LRCH3: variants seen among roughly 807,000 people sequenced by gnomAD.
The protein encoded by LRCH3 is leucine rich repeats and calponin homology domain containing 3, also known as DISP complex protein LRCH3.
LRCH3 carries 68 observed loss-of-function variants against 104.5 expected under a neutral mutation model. That is an observed-to-expected ratio of 0.65 (90% CI 0.54 to 0.80). The LOEUF (loss-of-function observed/expected upper bound fraction) is 0.80, where lower values mean the gene tolerates loss of function less well. Among genes scored for constraint, LRCH3 ranks in the 30% least tolerant of loss-of-function variants. LRCH3 has a pLI of 0.00. For synonymous variants in LRCH3, 344 were observed against 361.3 expected (o/e 0.95, Z 0.54); for missense variants, 951 against 953.9 (o/e 1.00, Z 0.04).
intron 17 of LRCH3, among the ~76,000 whole-genome samples, chr3:197,867,636 G>A (rs1016185627): frequency 4.0e-5 from 6 of 151,084 alleles, no homozygotes; most frequent in African/African-American, 1.5e-4. Context: ...GGCAGATCAC[G>A]AGGTCAGGAG....
At chr3:197,843,970 A>G (rs944674820) in intron 10 of LRCH3, among the ~76,000 whole-genome samples, 4 of 152,202 alleles carry the variant, frequency 2.6e-5, no homozygotes, top group African/African-American at 9.7e-5. Flanking sequence ...GCTAGGTGCT[A>G]TGAAGAAAAA....
intron 4 of LRCH3, among the ~76,000 whole-genome samples, chr3:197,822,528 G>A (rs1201103494): frequency 1.3e-5 from 2 of 152,140 alleles, no homozygotes; most frequent in East Asian, 3.8e-4. Flanking sequence ...TTTGATTGTA[G>A]ACTGCTGACA....
rs1740035246 is a variant in LRCH3, at chr3:197,854,744, C to T, written c.1644+299C>T. On this transcript the variant is annotated intron_variant, in intron 14 of 20. Coordinates refer to ENST00000425562, the MANE Select transcript of LRCH3 (RefSeq NM_001365715.1). This position sits in a 1 kb window ranked among gnomAD's most constrained non-coding sequence, Gnocchi z 4.5. Reference sequence around the variant, plus strand: ...TTCATGTTTTAAATGTGTCTAATTCCAGGAGCACTTACTTTATTAATCATT... The same window carrying T: ...TTCATGTTTTAAATGTGTCTAATTCTAGGAGCACTTACTTTATTAATCATT... Among the ~76,000 whole-genome samples the T allele has an allele frequency of 6.6e-6, 1 of 152,068 alleles. No homozygotes were observed. Among genetic ancestry groups the T allele is most frequent in the African/African-American group, 2.4e-5 (1 of 41,398 alleles).
intron 8 of LRCH3, among the ~76,000 whole-genome samples, chr3:197,832,709 T>C (rs1030314214): frequency 5.9e-5 from 9 of 151,710 alleles, no homozygotes; most frequent in African/African-American, 2.2e-4. Flanking sequence ...TTTCAGTGTT[T>C]ACCTTTTCTT....
chr3:197,880,594 C>T, intron 20 of LRCH3: 1 of 1,536,738 alleles, frequency 6.5e-7, no homozygotes, highest in Non-Finnish European at 8.7e-7. Context: ...TCTCTTGGGG[C>T]ACACTCAGAA....
chr3:197,797,627 G>A (rs1340386738), intron 1 of LRCH3, among the ~76,000 whole-genome samples: 1 of 151,294 alleles, frequency 6.6e-6, no homozygotes, highest in Non-Finnish European at 1.5e-5. Flanking sequence ...TTGGGAGGCC[G>A]AGGCAGGTGG....
rs35669763 is a variant in LRCH3 at position 197,825,360 on chromosome 3, C to CTTT, written c.641-1505_641-1503dup. ...TCCGTTTTGGGAAATTGTTTTATAT[C>CTTT]TTTTTTTTTTTTTTTAAATAATTTT... On this transcript the variant is annotated intron_variant, in intron 4 of 20. Transcript: ENST00000425562. 4.7e-4 allele frequency among the ~76,000 whole-genome samples: 56 copies of CTTT among 119,336 alleles called. 1 individual carries two copies. Among genetic ancestry groups the CTTT allele is most frequent in the Admixed American group, 1.7e-3 (20 of 11,600 alleles). The allele number at this position is 119,336 out of a possible 152,430, so 78.3% of individuals were successfully genotyped here.
chr3:197,880,289 A>G (rs910812255), intron 20 of LRCH3, among the ~76,000 whole-genome samples: 4 of 152,144 alleles, frequency 2.6e-5, no homozygotes, highest in African/African-American at 9.7e-5. Flanking sequence ...CAACAAACGA[A>G]TTTTATTCTG....
At chr3:197,881,697 T>A in intron 20 of LRCH3, 1 of 985,430 alleles carries the variant, frequency 1.0e-6, no homozygotes, top group Non-Finnish European at 1.2e-6. Context: ...TAGATTCTAG[T>A]TTCATAAGTG....
In LRCH3 at chr3:197,870,237, CAG is replaced by C; in HGVS notation, c.1957_1958del (p.Glu653ArgfsTer11). The C allele has an allele frequency of 3.1e-6, 5 of 1,613,380 alleles. No homozygotes were observed. The highest frequency in any genetic ancestry group is 4.2e-6 in the Non-Finnish European group (5 of 1,179,324). On this transcript the variant is annotated frameshift_variant, in exon 18 of 21. Transcript: ENST00000425562. LOFTEE classifies it high-confidence loss of function. ...TTCCATAACAGGACAGAATTCAAGACAGAGAGAAGAAGAGCTGGAATTAATAG... is the reference window on the plus strand; with the variant it reads ...TTCCATAACAGGACAGAATTCAAGACAGAGAAGAAGAGCTGGAATTAATAG... ...TDSITGQNSR[Q>X]REEELELIDQ...
At chr3:197,840,494 G>C (rs560540779) in intron 10 of LRCH3, among the ~76,000 whole-genome samples, 41 of 152,296 alleles carry the variant, frequency 2.7e-4, no homozygotes, top group African/African-American at 9.9e-4. Context: ...AAATTAGCTT[G>C]ATCGTTTAGA....
chr3:197,865,540 A>T, intron 16 of LRCH3, 69 bp downstream of exon 16: 1 of 1,051,672 alleles, frequency 9.5e-7, no homozygotes, highest in Non-Finnish European at 1.3e-6. Context: ...TTAAAAAATA[A>T]TAATAAATAG....
In LRCH3 at chr3:197,795,003, T is replaced by A. The variant is rs7650169; in HGVS notation, c.262+3463T>A. Among the ~76,000 whole-genome samples the A allele has an allele frequency of 6.8e-5, 10 of 146,334 alleles. No individual in the cohort carries two copies. In the East Asian group the frequency reaches 1.4e-3, roughly 20 times the overall value. On this transcript the variant is annotated intron_variant, in intron 1 of 20. Transcript: ENST00000425562. ...CTGGGTGACAGAGTAAGTGCTGTCT[T>A]AAAAAAAAAAGAAAAAAAAATATTA...
chr3:197,854,411 G>A lies in LRCH3; in HGVS notation c.1610G>A (p.Arg537Lys). 3 of 1,614,094 alleles carry A rather than the reference G, an allele frequency of 1.9e-6. No individual in the cohort carries two copies. Among genetic ancestry groups the A allele is most frequent in the Non-Finnish European group, 2.5e-6 (3 of 1,179,990 alleles). The change falls in exon 14 of 21, where the codon AGG becomes AAG. Residue 537 changes from arginine (R) to lysine (K), a missense_variant. Coordinates refer to ENST00000425562, the MANE Select transcript of LRCH3 (RefSeq NM_001365715.1). The surrounding 1 kb of genome is among the most constrained non-coding windows in gnomAD (Gnocchi z 4.5). ...CTCCAGTGCCCCTTCCCATCCAGAAGGTCTCAGCACACTGATGATAGTGCC... is the reference window on the plus strand; with the variant it reads ...CTCCAGTGCCCCTTCCCATCCAGAAAGTCTCAGCACACTGATGATAGTGCC... Reference protein sequence around the residue: ...VDGECPFPSRRSQHTDDSALC... With the variant: ...VDGECPFPSRKSQHTDDSALC...
Position 197,883,520 on chromosome 3 carries a change from A to T in LRCH3, c.2209-21A>T. On this transcript the variant is annotated intron_variant, in intron 20 of 20. Coordinates refer to ENST00000425562, the MANE Select transcript of LRCH3 (RefSeq NM_001365715.1). This position sits in a 1 kb window ranked among gnomAD's most constrained non-coding sequence, Gnocchi z 4.2. ...CCGATTTTCTTTTTTGTTTGTTTTC[A>T]TGTTACGTTGTCCCTTTCAGGAGCA... The T allele has an allele frequency of 6.6e-7, 1 of 1,526,702 alleles. No individual in the cohort carries two copies. The highest frequency in any genetic ancestry group is 2.0e-5 in the Admixed American group (1 of 49,122). The allele number at this position is 1,526,702 out of a possible 1,614,324, so 94.6% of individuals were successfully genotyped here. A position where few individuals can be genotyped will look rare whatever the true frequency, so the allele number is the denominator to read the frequency against.
rs58135939 is a variant in LRCH3 at position 197,856,391 on chromosome 3, A to T, written c.1644+1946A>T. 0.058 allele frequency among the ~76,000 whole-genome samples: 8,871 copies of T among 151,646 alleles called. 877 individuals are homozygous for T. The highest frequency in any genetic ancestry group is 0.2 in the African/African-American group (8,237 of 41,370). On this transcript the variant is annotated intron_variant, in intron 14 of 20. Transcript: ENST00000425562. The surrounding 1 kb of genome is among the most constrained non-coding windows in gnomAD (Gnocchi z 4.2). ...GTTTATTATTTTATTTTGTATTTTT[A>T]AATTTAATTTTATTCTTTATTTTTA...
At chr3:197,812,767 G>T (rs1351618846) in intron 1 of LRCH3, among the ~76,000 whole-genome samples, 3 of 151,964 alleles carry the variant, frequency 2.0e-5, no homozygotes, top group African/African-American at 7.2e-5. Context: ...TCGCCATGTT[G>T]GCCAGGCTGG....
intron 10 of LRCH3, among the ~76,000 whole-genome samples, chr3:197,846,453 T>G (rs1193277224): frequency 6.6e-6 from 1 of 150,550 alleles, no homozygotes; most frequent in Non-Finnish European, 1.5e-5. Context: ...TCCAATTACT[T>G]TAGGAGGCTG....
intron 4 of LRCH3, among the ~76,000 whole-genome samples, chr3:197,824,856 C>T (rs1734965842): frequency 6.6e-6 from 1 of 152,186 alleles, no homozygotes; most frequent in Admixed American, 6.5e-5. Flanking sequence ...AGGCGTGAGC[C>T]ACTGCACCTG....
Sources: gnomAD v4.1 joint callset for allele counts (sites outside exome capture counted in the v4.1 genomes callset) on GRCh38, gnomAD v4.1.1 for gene constraint, Gnocchi (gnomAD v3.1) non-coding constraint, MANE v1.5 for transcripts, NCBI Gene and HGNC (gene_info 2026-07-23, HGNC 2026-07-21) for gene names.